The following SEM1 variants were observed in gnomAD, a reference collection of about 807,000 sequenced individuals.
SEM1 encodes SEM1 26S proteasome subunit.
Under a neutral mutation model 12.7 loss-of-function variants are expected in SEM1, and 3 were observed. The observed-to-expected ratio is 0.24, with a 90% CI of 0.11 to 0.61. The LOEUF (loss-of-function observed/expected upper bound fraction) is 0.61, where lower values mean the gene tolerates loss of function less well. SEM1 is among the 20% of genes least tolerant of loss of function. The pLI, the probability that SEM1 is intolerant of heterozygous loss-of-function variation, is 0.88. For missense variants in SEM1, 59 were observed against 81.3 expected (o/e 0.73, Z 1.06); for synonymous variants, 30 against 27.8 (o/e 1.08, Z -0.25).
At chr7:96,555,690 T>C (rs1297411683) in intron 2 of SEM1, among the ~76,000 whole-genome samples, 60 of 145,200 alleles carry the variant, frequency 4.1e-4, no homozygotes, top group Middle Eastern at 3.6e-3. Flanking sequence ...GAGAGTTCTG[T>C]AGATGTCTAT....
upstream of SEM1, among the ~76,000 whole-genome samples, chr7:96,498,355 G>A (rs1188324778): frequency 7.5e-6 from 1 of 133,068 alleles, no homozygotes; most frequent in Non-Finnish European, 1.6e-5. Context: ...TTGTGTATGT[G>A]TGTGTGCATG....
At chr7:96,546,601 C>T (rs1805110785) in intron 2 of SEM1, among the ~76,000 whole-genome samples, 1 of 152,086 alleles carries the variant, frequency 6.6e-6, no homozygotes, top group East Asian at 1.9e-4. Context: ...GGATTAGTCA[C>T]TATATAGTTA....
chr7:96,699,728 G>A (rs1432299741), intron 1 of SEM1, among the ~76,000 whole-genome samples: 3 of 152,140 alleles, frequency 2.0e-5, no homozygotes, highest in Admixed American at 6.6e-5. Context: ...TTGAACTGCT[G>A]TTGCACTTTA....
chr7:96,597,719 T>C (rs899131335), intron 2 of SEM1, among the ~76,000 whole-genome samples: 1 of 151,352 alleles, frequency 6.6e-6, no homozygotes, highest in East Asian at 1.9e-4. Context: ...CACATACACA[T>C]GCACACACAC....
intron 2 of SEM1, among the ~76,000 whole-genome samples, chr7:96,638,199 C>T (rs1306066791): frequency 1.3e-5 from 2 of 152,038 alleles, no homozygotes; most frequent in African/African-American, 2.4e-5. Flanking sequence ...CAGCTCCTTT[C>T]GGAGAAGACC....
intron 2 of SEM1, among the ~76,000 whole-genome samples, chr7:96,583,729 G>A (rs1267600207): frequency 6.6e-6 from 1 of 150,642 alleles, no homozygotes; most frequent in Non-Finnish European, 1.5e-5. Context: ...TTATGTAATG[G>A]CCTTCTTTGT....
chr7:96,561,274 C>A (rs925792153), intron 2 of SEM1, among the ~76,000 whole-genome samples: 6 of 152,110 alleles, frequency 3.9e-5, no homozygotes, highest in Admixed American at 2.0e-4. Flanking sequence ...AGAACTACTG[C>A]AGTTGAAGCA....
exon 4 of SEM1, chr7:96,483,754 T>C (rs934456268): frequency 3.8e-5 from 54 of 1,411,762 alleles, no homozygotes; most frequent in Middle Eastern, 1.9e-4. Context: ...AGTTCTACCA[T>C]GTGCCTTGAA....
intron 2 of SEM1, among the ~76,000 whole-genome samples, chr7:96,661,213 A>G (rs1228278533): frequency 1.3e-5 from 2 of 152,228 alleles, no homozygotes; most frequent in East Asian, 1.9e-4. Flanking sequence ...ACTCCTCATC[A>G]CTATCCTTTG....
chr7:96,585,218 A>G lies in SEM1; in HGVS notation c.171-78520T>C, dbSNP rs570667282. Among the ~76,000 whole-genome samples the G allele has an allele frequency of 7.9e-3, 1,203 of 152,114 alleles. 5 individuals are homozygous for G. Among genetic ancestry groups the G allele is most frequent in the Non-Finnish European group, 0.013 (894 of 67,920 alleles). ...GACCCTCAGCTGCAGGTCTGTTGGA[A>G]TACCCTGCCGTGTGAGGTGTCAGTC... On this transcript the variant is annotated intron_variant and NMD_transcript_variant, in intron 2 of 3. Coordinates refer to the SEM1 transcript ENST00000466986.
At chr7:96,585,063 G>C (rs988191601) in intron 2 of SEM1, among the ~76,000 whole-genome samples, 4 of 151,928 alleles carry the variant, frequency 2.6e-5, no homozygotes, top group Admixed American at 2.6e-4. Context: ...AGAGTTTCCA[G>C]TTTTTCTGCT....
chr7:96,704,560 C>T (rs1584875876), intron 1 of SEM1, among the ~76,000 whole-genome samples: 1 of 152,152 alleles, frequency 6.6e-6, no homozygotes, highest in Non-Finnish European at 1.5e-5. Flanking sequence ...TCTTCTTGCA[C>T]ACAATTATCA....
intron 2 of SEM1, among the ~76,000 whole-genome samples, chr7:96,632,782 T>C (rs7809839): frequency 0.21 from 26,881 of 125,650 alleles, 2,556 homozygotes; most frequent in South Asian, 0.32. Flanking sequence ...TTGTTGTTTT[T>C]TGTTTTTTTT....
intron 2 of SEM1, among the ~76,000 whole-genome samples, chr7:96,569,110 G>A (rs4729266): frequency 0.96 from 145,954 of 151,978 alleles, 70,295 homozygotes; most frequent in Non-Finnish European, 0.99. Flanking sequence ...ATGCGACCCC[G>A]TTGTTGAAAG....
At chr7:96,694,136 A>C (rs1223757993) in intron 2 of SEM1, among the ~76,000 whole-genome samples, 1 of 151,966 alleles carries the variant, frequency 6.6e-6, no homozygotes, top group Non-Finnish European at 1.5e-5. Context: ...GAAGCTTCCA[A>C]AACAGGCAAA....
chr7:96,524,323 C>A (rs1006467985), intron 2 of SEM1, among the ~76,000 whole-genome samples: 1 of 152,078 alleles, frequency 6.6e-6, no homozygotes, highest in Non-Finnish European at 1.5e-5. Context: ...AGAACTCCTG[C>A]GATGATGTCA....
chr7:96,529,889 T>C (rs1264185626), intron 2 of SEM1, among the ~76,000 whole-genome samples: 1 of 152,148 alleles, frequency 6.6e-6, no homozygotes, highest in Non-Finnish European at 1.5e-5. Context: ...TAATGCATTC[T>C]GAATTACAGT....
intron 3 of SEM1, among the ~76,000 whole-genome samples, chr7:96,503,284 T>A (rs1036186078): frequency 1.3e-5 from 2 of 152,158 alleles, no homozygotes; most frequent in Admixed American, 6.6e-5. Flanking sequence ...TCTTGAGCAA[T>A]GAGCATTTGG....
At chr7:96,485,297 A>G (rs1319245730) in intron 2 of SEM1, among the ~76,000 whole-genome samples, 1 of 152,124 alleles carries the variant, frequency 6.6e-6, no homozygotes, top group Non-Finnish European at 1.5e-5. Flanking sequence ...ATTCTCTTAC[A>G]GTTCTGGAGG....
Sources: gnomAD v4.1 joint callset for allele counts (sites outside exome capture counted in the v4.1 genomes callset) on GRCh38, gnomAD v4.1.1 for gene constraint, MANE v1.5 for transcripts, NCBI Gene and HGNC (gene_info 2026-07-23, HGNC 2026-07-21) for gene names.